The following GALM variants were observed in gnomAD, a reference collection of about 807,000 sequenced individuals.
The protein encoded by GALM is galactose mutarotase.
A neutral mutation model predicts 37.4 loss-of-function variants in GALM; 43 were observed. The observed-to-expected ratio is 1.15, with a 90% CI of 0.90 to 1.48. GALM has a LOEUF of 1.48. GALM is among the 40% of genes most tolerant of loss of function. GALM has a pLI of 0.00. For missense variants in GALM, 456 were observed against 419.1 expected, an observed-to-expected ratio of 1.09 and a Z score of -0.77; for synonymous variants, 199 against 170.6, an observed-to-expected ratio of 1.17 and a Z score of -1.30.
At chr2:38,710,670 G>A (rs748082133) in intron 4 of GALM, among the ~76,000 whole-genome samples, 6 of 151,882 alleles carry the variant, frequency 4.0e-5, no homozygotes, top group Non-Finnish European at 5.9e-5. Flanking sequence ...CTCCCAAAGC[G>A]CTGAGATTAC....
At chr2:38,694,778 T>A (rs1170779345) in intron 4 of GALM, among the ~76,000 whole-genome samples, 1 of 150,892 alleles carries the variant, frequency 6.6e-6, no homozygotes, top group Non-Finnish European at 1.5e-5. Flanking sequence ...GCGCCTATAG[T>A]CCCAGCTACT....
At chr2:38,679,478 C>G (rs1291897692) in intron 2 of GALM, among the ~76,000 whole-genome samples, 3 of 152,172 alleles carry the variant, frequency 2.0e-5, no homozygotes, top group African/African-American at 7.2e-5. Flanking sequence ...ATGAAATTGC[C>G]AGTGTTCAAC....
chr2:38,687,243 G>C (rs1432985544), intron 3 of GALM, among the ~76,000 whole-genome samples: 1 of 152,226 alleles, frequency 6.6e-6, no homozygotes, highest in Non-Finnish European at 1.5e-5. Flanking sequence ...TCCTCTCTAG[G>C]CTAGACCTGC....
chr2:38,681,605 A>G, intron 3 of GALM, 119 bp downstream of exon 3: 1 of 798,610 alleles, frequency 1.3e-6, no homozygotes, highest in South Asian at 1.5e-5. Context: ...CATGATGATG[A>G]AAAGGGCCCA....
At position 38,733,951 on chromosome 2, in the gene GALM, C is replaced by T. The variant is rs900005130; in HGVS notation, c.*386C>T. On this transcript the variant is annotated 3_prime_UTR_variant, in exon 7 of 7. Coordinates refer to ENST00000272252, the MANE Select transcript of GALM (RefSeq NM_138801.3). ...ATTGCTTTTATTTCCTCCTCCTTCA[C>T]CTCCAACCACTGTCAGCAGCACTCT... 3 of 302,772 alleles carry T rather than the reference C, an allele frequency of 9.9e-6. No homozygotes were observed. The highest frequency in any genetic ancestry group is 1.9e-5 in the Non-Finnish European group (3 of 154,248). The allele number at this position is 302,772 out of a possible 1,614,324, so 18.8% of individuals were successfully genotyped here.
At chr2:38,688,211 C>CAA (rs767245322) in intron 3 of GALM, among the ~76,000 whole-genome samples, 1 of 124,666 alleles carries the variant, frequency 8.0e-6, no homozygotes, top group African/African-American at 3.0e-5. Flanking sequence ...GACTCCGTCT[C>CAA]AAAAAAAAAA....
At chr2:38,707,829 C>G (rs1214299751) in intron 4 of GALM, among the ~76,000 whole-genome samples, 2 of 152,010 alleles carry the variant, frequency 1.3e-5, no homozygotes, top group African/African-American at 2.4e-5. Context: ...AATTAGCAGC[C>G]GGGTGTGCTG....
intron 1 of GALM, among the ~76,000 whole-genome samples, chr2:38,668,034 C>T (rs1323868553): frequency 6.6e-6 from 1 of 152,138 alleles, no homozygotes; most frequent in Non-Finnish European, 1.5e-5. Context: ...AGATCTTACC[C>T]TTTTGGTCCA....
intron 1 of GALM, among the ~76,000 whole-genome samples, chr2:38,669,895 CT>C (rs35676843): frequency 3.4e-3 from 463 of 135,114 alleles, no homozygotes; most frequent in Middle Eastern, 3.8e-3. Flanking sequence ...AAAAGTTTTT[CT>C]TTTTTTTTTT....
rs746925447 is a variant in GALM at position 38,689,856 on chromosome 2, A to T, written c.596A>T (p.Asp199Val). Reference sequence around the variant, plus strand: ...GACCATGAAGTCACCATAGAAGCGGATACTTATTTGCCTGTGGATGAAACC... The same window carrying T: ...GACCATGAAGTCACCATAGAAGCGGTTACTTATTTGCCTGTGGATGAAACC... Reference protein sequence around the residue: ...INDHEVTIEADTYLPVDETLI... With the variant: ...INDHEVTIEAVTYLPVDETLI... Residue 199 changes from aspartate to valine, a missense_variant, in exon 4 of 7, where the codon GAT (aspartate) becomes GTT (valine). By Grantham distance (152) the Asp-to-Val change is radical. Coordinates refer to ENST00000272252, the MANE Select transcript of GALM (RefSeq NM_138801.3). The T allele has an allele frequency of 1.1e-4, 170 of 1,612,290 alleles. No homozygotes were observed. The highest frequency in any genetic ancestry group is 1.4e-4 in the Non-Finnish European group (162 of 1,178,726).
chr2:38,726,495 G>C (rs1002992373), intron 4 of GALM, among the ~76,000 whole-genome samples: 22 of 151,758 alleles, frequency 1.4e-4, no homozygotes, highest in African/African-American at 4.6e-4. Context: ...CAACGTGCTG[G>C]GATTACAGGC....
intron 3 of GALM, among the ~76,000 whole-genome samples, chr2:38,682,532 T>C (rs954142598): frequency 6.6e-6 from 1 of 152,184 alleles, no homozygotes; most frequent in African/African-American, 2.4e-5. Flanking sequence ...TCCAAAGTTC[T>C]CCCTTTAAAA....
At chr2:38,726,216 ATT>A (rs375560759) in intron 4 of GALM, among the ~76,000 whole-genome samples, 31 of 128,794 alleles carry the variant, frequency 2.4e-4, no homozygotes, top group Non-Finnish European at 1.6e-5. Flanking sequence ...AAGTGCCTTT[ATT>A]TTTTTTTTTT....
chr2:38,698,449 G>T lies in GALM; in HGVS notation c.634+8555G>T, dbSNP rs187107669. 27 of 1,280,150 alleles carry T rather than the reference G, an allele frequency of 2.1e-5. No individual in the cohort carries two copies. The East Asian group carries it at 1.5e-3, about 69-fold the overall frequency. 79.3% of individuals were successfully genotyped at this position (1,280,150 alleles called of 1,614,324 possible). A position where few individuals can be genotyped will look rare whatever the true frequency, so the allele number is the denominator to read the frequency against. On this transcript the variant is annotated intron_variant, in intron 4 of 6. Coordinates refer to ENST00000272252, the MANE Select transcript of GALM (RefSeq NM_138801.3). Reference sequence around the variant, plus strand: ...GCAAAGTTTGCAGGTACACTGTCAGGCTGTGTTTGGATGTTAGCAGTTAAT... The same window carrying T: ...GCAAAGTTTGCAGGTACACTGTCAGTCTGTGTTTGGATGTTAGCAGTTAAT...
At chr2:38,714,683 T>G (rs1666235845) in intron 4 of GALM, among the ~76,000 whole-genome samples, 1 of 152,186 alleles carries the variant, frequency 6.6e-6, no homozygotes, top group Non-Finnish European at 1.5e-5. Context: ...ACAGCAAAAC[T>G]GAAACAAACT....
intron 4 of GALM, among the ~76,000 whole-genome samples, chr2:38,703,269 G>A (rs1665967562): frequency 6.7e-6 from 1 of 149,358 alleles, no homozygotes; most frequent in Non-Finnish European, 1.5e-5. Flanking sequence ...CACCATGCCT[G>A]GCTAATTTTG....
At chr2:38,692,223 G>A (rs1572522866) in intron 4 of GALM, among the ~76,000 whole-genome samples, 2 of 152,238 alleles carry the variant, frequency 1.3e-5, no homozygotes, top group East Asian at 3.9e-4. Context: ...TGACACTTAA[G>A]CAGAAATTGT....
At chr2:38,676,827 G>T (rs1026698050) in intron 2 of GALM, among the ~76,000 whole-genome samples, 3 of 152,206 alleles carry the variant, frequency 2.0e-5, no homozygotes, top group African/African-American at 4.8e-5. Context: ...AACCAGGGCT[G>T]CCTGGCCCAA....
chr2:38,699,474 T>C (rs541668505), intron 4 of GALM, among the ~76,000 whole-genome samples: 109 of 152,324 alleles, frequency 7.2e-4, no homozygotes, highest in African/African-American at 2.6e-3. Flanking sequence ...TATAGTGCTT[T>C]AGAGCACTAG....
Sources: gnomAD v4.1 joint callset for allele counts (sites outside exome capture counted in the v4.1 genomes callset) on GRCh38, gnomAD v4.1.1 for gene constraint, MANE v1.5 for transcripts, NCBI Gene and HGNC (gene_info 2026-07-23, HGNC 2026-07-21) for gene names.